RBFOX1: variants seen among roughly 807,000 people sequenced by gnomAD.
RBFOX1 encodes RNA binding fox-1 homolog 1.
RBFOX1 carries 8 observed loss-of-function variants against 57.7 expected under a neutral mutation model. The ratio of observed to expected loss-of-function variants is 0.14; its 90% CI spans 0.08 to 0.25. The LOEUF (loss-of-function observed/expected upper bound fraction) is 0.25, where lower values mean the gene tolerates loss of function less well. Among genes scored for constraint, RBFOX1 ranks in the 10% least tolerant of loss-of-function variants. RBFOX1 has a pLI of 1.00. For missense variants in RBFOX1, 611 were observed against 548.5 expected, an observed-to-expected ratio of 1.11 and a Z score of -1.14; for synonymous variants, 326 against 222.4, an observed-to-expected ratio of 1.47 and a Z score of -4.15.
chr16:6,627,222 C>A (rs1256267849), intron 2 of RBFOX1, among the ~76,000 whole-genome samples: 1 of 152,184 alleles, frequency 6.6e-6, no homozygotes, highest in Non-Finnish European at 1.5e-5. Context: ...ATTGGTCCAG[C>A]ACAGGGGAAT....
intron 4 of RBFOX1, among the ~76,000 whole-genome samples, chr16:5,943,483 C>T (rs2059323798): frequency 6.6e-6 from 1 of 152,112 alleles, no homozygotes; most frequent in East Asian, 1.9e-4. Context: ...TCATTTAGAC[C>T]ACAGGGTTAA....
intron 1 of RBFOX1, among the ~76,000 whole-genome samples, chr16:6,253,681 G>GCA (rs2097641111): frequency 4.3e-5 from 1 of 23,168 alleles, no homozygotes; most frequent in Non-Finnish European, 1.3e-4. Context: ...GTGCATGTGT[G>GCA]TGTGTGTGTG....
At chr16:6,049,815 C>G (rs2095533886) in intron 1 of RBFOX1, among the ~76,000 whole-genome samples, 1 of 152,112 alleles carries the variant, frequency 6.6e-6, no homozygotes, top group African/African-American at 2.4e-5. Flanking sequence ...TTAGGAACAC[C>G]CTTCCCAGTG....
chr16:5,459,667 G>C (rs974352604), intron 1 of RBFOX1, among the ~76,000 whole-genome samples: 1 of 151,902 alleles, frequency 6.6e-6, no homozygotes, highest in Non-Finnish European at 1.5e-5. Context: ...AAGCAAGTCG[G>C]GAAATGAGAG....
intron 1 of RBFOX1, among the ~76,000 whole-genome samples, chr16:5,329,899 C>T (rs886994170): frequency 6.6e-6 from 1 of 150,512 alleles, no homozygotes; most frequent in Non-Finnish European, 1.5e-5. Flanking sequence ...GATGTGATGG[C>T]GTGAATCCGG....
At chr16:5,719,509 T>TA (rs2051849230) in intron 3 of RBFOX1, among the ~76,000 whole-genome samples, 1 of 151,756 alleles carries the variant, frequency 6.6e-6, no homozygotes, top group South Asian at 2.1e-4. Context: ...TGCCCTAGAA[T>TA]TTTTTTTATT....
intron 3 of RBFOX1, among the ~76,000 whole-genome samples, chr16:6,701,631 C>G (rs959748832): frequency 1.4e-4 from 22 of 152,086 alleles, no homozygotes; most frequent in African/African-American, 4.8e-4. Flanking sequence ...ATAAAAATCA[C>G]ATAAAGGCGT....
At chr16:5,311,157 CAA>C (rs1025167887) in intron 1 of RBFOX1, among the ~76,000 whole-genome samples, 5 of 152,158 alleles carry the variant, frequency 3.3e-5, no homozygotes, top group African/African-American at 1.2e-4. Context: ...CAAGTTGCTG[CAA>C]AAGACATTAT....
intron 4 of RBFOX1, among the ~76,000 whole-genome samples, chr16:7,247,389 A>G (rs1370728749): frequency 1.3e-5 from 2 of 152,106 alleles, no homozygotes; most frequent in African/African-American, 2.4e-5. Context: ...GGAGGTGGAG[A>G]AGGAGCAAAT....
intron 3 of RBFOX1, among the ~76,000 whole-genome samples, chr16:6,845,031 A>T (rs925035633): frequency 2.6e-5 from 4 of 151,882 alleles, no homozygotes; most frequent in Non-Finnish European, 1.5e-5. Context: ...TCATGGGGTT[A>T]TGTTTTTCTT....
chr16:6,586,884 T>G (rs972102148), intron 2 of RBFOX1, among the ~76,000 whole-genome samples: 1 of 152,168 alleles, frequency 6.6e-6, no homozygotes, highest in African/African-American at 2.4e-5. Flanking sequence ...TATTTAACAT[T>G]AAAAAATTGA....
chr16:7,023,776 A>T (rs1428102959), intron 3 of RBFOX1, among the ~76,000 whole-genome samples: 1 of 152,140 alleles, frequency 6.6e-6, no homozygotes, highest in Non-Finnish European at 1.5e-5. Context: ...CTTAGCTCAA[A>T]TACAGCCTCG....
At chr16:6,378,516 A>G (rs1278559577) in intron 2 of RBFOX1, among the ~76,000 whole-genome samples, 1 of 152,194 alleles carries the variant, frequency 6.6e-6, no homozygotes, top group African/African-American at 2.4e-5. Context: ...GTCAGAGCAC[A>G]CACAGCCATC....
intron 3 of RBFOX1, among the ~76,000 whole-genome samples, chr16:7,023,736 A>G (rs1412783942): frequency 2.0e-5 from 3 of 152,092 alleles, no homozygotes; most frequent in Non-Finnish European, 4.4e-5. Flanking sequence ...AGAAACAGGT[A>G]TCACTTATCA....
chr16:6,950,192 A>T (rs904929800), intron 3 of RBFOX1, among the ~76,000 whole-genome samples: 1 of 149,798 alleles, frequency 6.7e-6, no homozygotes, highest in South Asian at 2.1e-4. Context: ...TCCTGACCTC[A>T]AGTGATCCAC....
intron 3 of RBFOX1, among the ~76,000 whole-genome samples, chr16:5,609,438 G>C (rs748796845): frequency 4.6e-5 from 7 of 152,196 alleles, no homozygotes; most frequent in Non-Finnish European, 1.0e-4. Context: ...CAGCCTGCTG[G>C]GGGCAGAGGA....
At chr16:7,026,486 T>C (rs1158429139) in intron 3 of RBFOX1, among the ~76,000 whole-genome samples, 1 of 152,142 alleles carries the variant, frequency 6.6e-6, no homozygotes, top group Non-Finnish European at 1.5e-5. Flanking sequence ...ACACTTCCAA[T>C]CTGCCTCTTT....
intron 2 of RBFOX1, among the ~76,000 whole-genome samples, chr16:6,480,890 A>G (rs562478394): frequency 5.1e-4 from 78 of 152,302 alleles, no homozygotes; most frequent in African/African-American, 1.7e-3. Flanking sequence ...TCACTGCTAT[A>G]TGGTATTCCA....
At chr16:6,326,943 T>C (rs1314709624) in intron 2 of RBFOX1, among the ~76,000 whole-genome samples, 1 of 152,170 alleles carries the variant, frequency 6.6e-6, no homozygotes, top group Non-Finnish European at 1.5e-5. Context: ...GAGGCTGTGC[T>C]CCAAATGCTC....
Sources: allele counts gnomAD v4.1 joint callset (sites outside exome capture counted in the v4.1 genomes callset), GRCh38; gene constraint gnomAD v4.1.1; transcripts MANE v1.5; gene names NCBI Gene and HGNC (gene_info 2026-07-23, HGNC 2026-07-21).